SLC43A3: variants seen among roughly 807,000 people sequenced by gnomAD.
The protein encoded by SLC43A3 is equilibrative nucleobase transporter 1.
In SLC43A3, 33 loss-of-function variants were observed where a neutral mutation model predicts 53.3. The observed-to-expected ratio is 0.62, with a 90% CI of 0.47 to 0.83. The LOEUF (loss-of-function observed/expected upper bound fraction) is 0.83, where lower values mean the gene tolerates loss of function less well. Among genes scored for constraint, SLC43A3 ranks in the 40% least tolerant of loss-of-function variants. The probability of loss-of-function intolerance (pLI) is 0.00; values close to 1 mark genes in which losing one functional copy is unlikely to be tolerated. For missense variants in SLC43A3, 530 were observed against 610.0 expected, an observed-to-expected ratio of 0.87 and a Z score of 1.38; for synonymous variants, 236 against 246.2, an observed-to-expected ratio of 0.96 and a Z score of 0.39.
intron 7 of SLC43A3, among the ~76,000 whole-genome samples, chr11:57,418,410 AGGGCCAAGCTCAGTGGTTCCT>A (rs769422758): frequency 1.3e-5 from 2 of 152,094 alleles, no homozygotes; most frequent in Non-Finnish European, 2.9e-5. Context: ...AGCACTATGC[AGGGCCAAGCTCAGTGGTTCCT>A]GCCTGTAATT....
intron 11 of SLC43A3, 106 bp downstream of exon 11, chr11:57,414,509 A>G (rs1299580774): frequency 1.0e-5 from 2 of 192,996 alleles, no homozygotes; most frequent in Non-Finnish European, 2.0e-5. Context: ...TCTATCACAA[A>G]AAAAAAAAAA....
At chr11:57,425,934 G>T in intron 3 of SLC43A3, 55 bp downstream of exon 3, 1 of 1,557,218 alleles carries the variant, frequency 6.4e-7, no homozygotes, top group Non-Finnish European at 8.8e-7. Flanking sequence ...CCTGCTCCTT[G>T]CCACCACGTG....
chr11:57,410,187 A>C (rs1405524829), intron 11 of SLC43A3, 66 bp from the exon 12 acceptor site: 2 of 1,331,562 alleles, frequency 1.5e-6, no homozygotes, highest in Non-Finnish European at 2.0e-6. Context: ...GCGAAGGGCC[A>C]AGGAAGATTG....
At chr11:57,420,475 GGTT>G (rs750789392) in intron 7 of SLC43A3, among the ~76,000 whole-genome samples, 12 of 152,164 alleles carry the variant, frequency 7.9e-5, no homozygotes, top group Non-Finnish European at 1.8e-4. Flanking sequence ...AAGACAGAAT[GGTT>G]GTTGATTGAC....
Position 57,426,056 on chromosome 11 carries a change from A to G in SLC43A3, c.117T>C (p.Asn39=). The change falls in exon 3 of 14, where the codon AAT becomes AAC. Residue 39 remains asparagine, a synonymous_variant. Transcript: ENST00000395124. ...CACACAGATCCTTAAAGTAATCTTC[A>G]TTCTTGAAGACAAACACTAGTGAAG... is the stretch of plus-strand genomic sequence containing the variant. ...GWPSLVFVFK[N]EDYFKDLCGP... is the part of the protein sequence containing the mutation. The G allele has an allele frequency of 6.2e-7, 1 of 1,614,256 alleles. No individual in the cohort carries two copies. Among genetic ancestry groups the G allele is most frequent in the South Asian group, 1.1e-5 (1 of 91,088 alleles).
At chr11:57,420,820 T>G (rs1485829795) in intron 7 of SLC43A3, 152 bp downstream of exon 7, 2 of 628,412 alleles carry the variant, frequency 3.2e-6, no homozygotes, top group Non-Finnish European at 5.7e-6. Flanking sequence ...CAACAAGCTT[T>G]TTAACCTCAG....
intron 7 of SLC43A3, among the ~76,000 whole-genome samples, chr11:57,419,220 C>T (rs1590700062): frequency 1.3e-5 from 2 of 152,134 alleles, no homozygotes; most frequent in East Asian, 3.9e-4. Context: ...AAATTTTACA[C>T]AAAAATTCAT....
chr11:57,416,502 G>T, intron 9 of SLC43A3, 71 bp downstream of exon 9: 2 of 1,225,292 alleles, frequency 1.6e-6, no homozygotes, highest in Non-Finnish European at 2.4e-6. Context: ...AGCTCTGGAG[G>T]TGAGGGGCCA....
intron 4 of SLC43A3, among the ~76,000 whole-genome samples, chr11:57,424,415 T>A (rs1163293218): frequency 6.6e-6 from 1 of 152,214 alleles, no homozygotes; most frequent in Non-Finnish European, 1.5e-5. Flanking sequence ...GTGCCTGGTC[T>A]GCAAATCAAG....
intron 13 of SLC43A3, 31 bp downstream of exon 13, chr11:57,409,144 T>G: frequency 6.2e-7 from 1 of 1,613,380 alleles, no homozygotes; most frequent in Non-Finnish European, 8.5e-7. Context: ...CCAGGCCTCC[T>G]GCCAGGGATC....
At chr11:57,408,808 C>T in intron 13 of SLC43A3, 1 of 217,426 alleles carries the variant, frequency 4.6e-6, no homozygotes, top group East Asian at 1.2e-4. Context: ...TAGAGCAGGA[C>T]CTCAGAGCAT....
chr11:57,418,795 C>T (rs7112508), intron 7 of SLC43A3, among the ~76,000 whole-genome samples: 1,852 of 151,700 alleles, frequency 0.012, 51 homozygotes, highest in African/African-American at 0.043. Flanking sequence ...GTGGTTAAGG[C>T]AGGAGAATCG....
intron 5 of SLC43A3, among the ~76,000 whole-genome samples, chr11:57,421,927 T>C (rs1943004305): frequency 6.6e-6 from 1 of 152,260 alleles, no homozygotes; most frequent in Non-Finnish European, 1.5e-5. Flanking sequence ...CCAGGCATTG[T>C]GCTTGGCACT....
At chr11:57,419,127 A>G (rs879326119) in intron 7 of SLC43A3, among the ~76,000 whole-genome samples, 17 of 151,940 alleles carry the variant, frequency 1.1e-4, no homozygotes, top group Non-Finnish European at 2.1e-4. Flanking sequence ...CAGCCGGTGG[A>G]GCCTCCTCGT....
chr11:57,424,062 CAAG>C, intron 4 of SLC43A3, 34 bp from the exon 5 acceptor site: 2 of 1,606,598 alleles, frequency 1.2e-6, no homozygotes, highest in Non-Finnish European at 1.7e-6. Flanking sequence ...AGAATATTGT[CAAG>C]GAGGGAGAAA....
At position 57,422,685 on chromosome 11, in the gene SLC43A3, G is replaced by C. The variant is rs905575238; in HGVS notation, c.361+1297C>G. Reference sequence around the variant, plus strand: ...TCAATGCTTTTTTCAAAACTGAAAAGCCCTATATTATGGAGGAAGAGGAGG... The same window carrying C: ...TCAATGCTTTTTTCAAAACTGAAAACCCCTATATTATGGAGGAAGAGGAGG... On this transcript the variant is annotated intron_variant, in intron 5 of 13. Transcript: ENST00000395124. 1.1e-4 allele frequency among the ~76,000 whole-genome samples: 16 copies of C among 152,280 alleles called. 1 individual carries two copies. Among genetic ancestry groups the C allele is most frequent in the African/African-American group, 3.9e-4 (16 of 41,550 alleles).
At chr11:57,410,313 C>T (rs1036880829) in intron 11 of SLC43A3, among the ~76,000 whole-genome samples, 192 bp from the exon 12 acceptor site, 3 of 152,176 alleles carry the variant, frequency 2.0e-5, no homozygotes, top group Non-Finnish European at 4.4e-5. Context: ...GATCATTCAC[C>T]TCCTACATAT....
chr11:57,411,471 CAAAAAAAAAAAAAAAAA>C (rs56994898), intron 11 of SLC43A3, among the ~76,000 whole-genome samples: 187 of 78,886 alleles, frequency 2.4e-3, no homozygotes, highest in African/African-American at 0.01. Flanking sequence ...CCTTCCTCTA[CAAAAAAAAAAAAAAAAA>C]AAAAAAAAAA....
rs564433727 is a variant in SLC43A3, at chr11:57,421,517, G to A, written c.362-144C>T. 2.6e-5 allele frequency: 16 copies of A among 625,704 alleles called. No individual in the cohort carries two copies. The South Asian group carries it at 3.1e-4, about 12-fold the overall frequency. The allele number at this position is 625,704 out of a possible 1,614,324, so 38.8% of individuals were successfully genotyped here. A position where few individuals can be genotyped will look rare whatever the true frequency, so the allele number is the denominator to read the frequency against. ...AGCCAGCGTTCCAGCGTCCTTCAAG[G>A]GTTTTTAGGATACCGGCCAAGGCTT... On this transcript the variant is annotated intron_variant, in intron 5 of 13. Transcript: ENST00000395124.
Sources: allele counts gnomAD v4.1 joint callset (sites outside exome capture counted in the v4.1 genomes callset), GRCh38; gene constraint gnomAD v4.1.1; transcripts MANE v1.5; gene names NCBI Gene and HGNC (gene_info 2026-07-23, HGNC 2026-07-21).